KCNB2: variants seen among roughly 807,000 people sequenced by gnomAD.
The protein encoded by KCNB2 is potassium voltage-gated channel subfamily B member 2, also known as delayed rectifier potassium channel protein.
Under a neutral mutation model 61.5 loss-of-function variants are expected in KCNB2, and 15 were observed. The ratio of observed to expected loss-of-function variants is 0.24; its 90% CI spans 0.16 to 0.38. The LOEUF is 0.38. Among genes scored for constraint, KCNB2 ranks in the 10% least tolerant of loss-of-function variants. The pLI, the probability that KCNB2 is intolerant of heterozygous loss-of-function variation, is 1.00. For missense variants in KCNB2, 828 were observed against 1,125.2 expected, an observed-to-expected ratio of 0.74 and a Z score of 3.78; for synonymous variants, 457 against 446.0, an observed-to-expected ratio of 1.02 and a Z score of -0.31.
At chr8:72,830,557 A>T (rs192465132) in intron 2 of KCNB2, among the ~76,000 whole-genome samples, 1 of 152,300 alleles carries the variant, frequency 6.6e-6, no homozygotes, top group Admixed American at 6.5e-5. Context: ...AACTTGTTTC[A>T]TGTTTCATTT....
intron 2 of KCNB2, among the ~76,000 whole-genome samples, chr8:72,644,451 A>C (rs1201848211): frequency 6.6e-6 from 1 of 152,144 alleles, no homozygotes; most frequent in African/African-American, 2.4e-5. Flanking sequence ...TTCAACTTGC[A>C]ATGTAATATG....
chr8:72,615,488 A>G (rs1248967479), intron 2 of KCNB2, among the ~76,000 whole-genome samples: 3 of 152,160 alleles, frequency 2.0e-5, no homozygotes, highest in Non-Finnish European at 2.9e-5. Flanking sequence ...TGCCCCATAA[A>G]TTTCTAGTTT....
intron 2 of KCNB2, among the ~76,000 whole-genome samples, chr8:72,729,907 C>CAT (rs764408919): frequency 1.6e-4 from 24 of 151,734 alleles, no homozygotes; most frequent in Non-Finnish European, 1.5e-4. Flanking sequence ...AGATTACACA[C>CAT]ATATATATAT....
At chr8:72,807,757 C>T (rs1207349220) in intron 2 of KCNB2, among the ~76,000 whole-genome samples, 1 of 152,080 alleles carries the variant, frequency 6.6e-6, no homozygotes, top group Non-Finnish European at 1.5e-5. Flanking sequence ...GAATAAGAGT[C>T]TCATTTGGGT....
At chr8:72,736,992 T>C (rs4373559) in intron 2 of KCNB2, among the ~76,000 whole-genome samples, 65,147 of 151,876 alleles carry the variant, frequency 0.43, 15,580 homozygotes, top group Non-Finnish European at 0.56. Flanking sequence ...TAATTTATAA[T>C]TGTGCTTTAC....
chr8:72,886,015 A>T (rs1805801914), intron 2 of KCNB2, among the ~76,000 whole-genome samples: 1 of 152,208 alleles, frequency 6.6e-6, no homozygotes, highest in South Asian at 2.1e-4. Flanking sequence ...GAAAAAAGAA[A>T]AAAACATGTT....
At chr8:72,884,379 G>A (rs1174981899) in intron 2 of KCNB2, among the ~76,000 whole-genome samples, 1 of 152,048 alleles carries the variant, frequency 6.6e-6, no homozygotes, top group African/African-American at 2.4e-5. Context: ...AGCCGGGGGA[G>A]GGGAGTGGGT....
At chr8:72,783,621 C>T (rs1018835689) in intron 2 of KCNB2, among the ~76,000 whole-genome samples, 2 of 152,180 alleles carry the variant, frequency 1.3e-5, no homozygotes, top group African/African-American at 4.8e-5. Flanking sequence ...ATCCCATTAA[C>T]TGTTTTGTCT....
At chr8:72,807,472 C>T (rs144054837) in intron 2 of KCNB2, among the ~76,000 whole-genome samples, 316 of 152,324 alleles carry the variant, frequency 2.1e-3, no homozygotes, top group African/African-American at 7.0e-3. Context: ...GCACCATTCA[C>T]CCTAAGTAGA....
At chr8:72,699,560 A>AT (rs1471843180) in intron 2 of KCNB2, among the ~76,000 whole-genome samples, 4 of 152,030 alleles carry the variant, frequency 2.6e-5, no homozygotes, top group African/African-American at 9.7e-5. Context: ...GTTCACTCTG[A>AT]TGCTAGTTTC....
At chr8:72,701,871 TACAAA>T (rs1807134407) in intron 2 of KCNB2, among the ~76,000 whole-genome samples, 1 of 152,118 alleles carries the variant, frequency 6.6e-6, no homozygotes, top group South Asian at 2.1e-4. Flanking sequence ...TAGAAAAACT[TACAAA>T]GCAGTACTTT....
chr8:72,836,282 A>G (rs1809781339), intron 2 of KCNB2, among the ~76,000 whole-genome samples: 2 of 152,252 alleles, frequency 1.3e-5, no homozygotes. Context: ...CTTTTCAAAG[A>G]AGGCTATTTT....
intron 2 of KCNB2, among the ~76,000 whole-genome samples, chr8:72,570,716 A>T (rs1806694110): frequency 6.6e-6 from 1 of 152,112 alleles, no homozygotes; most frequent in Non-Finnish European, 1.5e-5. Flanking sequence ...ACTTTATTGT[A>T]TGGGTACATC....
chr8:72,702,857 G>T lies in KCNB2; in HGVS notation c.579+134544G>T, dbSNP rs114184430. Among the ~76,000 whole-genome samples, 448 of 152,268 alleles carry T rather than the reference G, an allele frequency of 2.9e-3. 2 individuals carry two copies. The highest frequency in any genetic ancestry group is 0.011 in the African/African-American group (438 of 41,560). Reference sequence around the variant, plus strand: ...GTGTCACCAGGTGTTAGGGGAGAATGCCAGGTGTCCTATGGATTTCCAGGG... The same window carrying T: ...GTGTCACCAGGTGTTAGGGGAGAATTCCAGGTGTCCTATGGATTTCCAGGG... On this transcript the variant is annotated intron_variant, in intron 2 of 2. Coordinates refer to ENST00000523207, the MANE Select transcript of KCNB2 (RefSeq NM_004770.3).
At chr8:72,935,863 ACCGACCCATCTGTCTCCTAGCTG>A in intron 2 of KCNB2, 49 bp from the exon 3 acceptor site, 1 of 1,015,446 alleles carries the variant, frequency 9.8e-7, no homozygotes, top group Non-Finnish European at 1.5e-6. Context: ...TTAAACAATC[ACCGACCCATCTGTCTCCTAGCTG>A]CCTAAGCAAC....
chr8:72,709,528 G>C (rs1469532946), intron 2 of KCNB2, among the ~76,000 whole-genome samples: 1 of 151,734 alleles, frequency 6.6e-6, no homozygotes, highest in African/African-American at 2.4e-5. Context: ...AGGTGAAGCG[G>C]GAGCAGGTGT....
At chr8:72,781,088 T>G (rs1010091991) in intron 2 of KCNB2, among the ~76,000 whole-genome samples, 4 of 152,176 alleles carry the variant, frequency 2.6e-5, no homozygotes, top group African/African-American at 9.6e-5. Flanking sequence ...CTTCTAAATT[T>G]AAGTTGCTTG....
chr8:72,850,160 T>C (rs1810069926), intron 2 of KCNB2, among the ~76,000 whole-genome samples: 2 of 151,908 alleles, frequency 1.3e-5, no homozygotes, highest in South Asian at 4.2e-4. Flanking sequence ...GCTCTTGCCA[T>C]TTAGATATTT....
chr8:72,568,027 C>G lies in KCNB2; in HGVS notation c.293C>G (p.Ser98Cys). The G allele has an allele frequency of 6.2e-7, 1 of 1,614,104 alleles. No individual in the cohort carries two copies. The change falls in exon 2 of 3, where the codon TCC becomes TGC. Residue 98 changes from serine (S) to cysteine (C), a missense_variant. Ser to Cys is a moderately radical substitution (Grantham distance 112, BLOSUM62 -1). Coordinates refer to ENST00000523207, the MANE Select transcript of KCNB2 (RefSeq NM_004770.3). ...GATCGGCATCCAGGAGCCTTCACTTCCATTTTAAATTTCTACCGGACCGGG... is the reference window on the plus strand; with the variant it reads ...GATCGGCATCCAGGAGCCTTCACTTGCATTTTAAATTTCTACCGGACCGGG... ...FFDRHPGAFT[S>C]ILNFYRTGKL... is the part of the protein sequence containing the mutation.
Sources: gnomAD v4.1 joint callset for allele counts (sites outside exome capture counted in the v4.1 genomes callset) on GRCh38, gnomAD v4.1.1 for gene constraint, MANE v1.5 for transcripts, NCBI Gene and HGNC (gene_info 2026-07-23, HGNC 2026-07-21) for gene names.